Variants in SOX5 observed in about 807,000 individuals in gnomAD.
SOX5 encodes transcription factor SOX-5.
A neutral mutation model predicts 92.0 loss-of-function variants in SOX5; 9 were observed. The observed-to-expected ratio is 0.10, with a 90% CI of 0.06 to 0.17. The LOEUF (loss-of-function observed/expected upper bound fraction) is 0.17, where lower values mean the gene tolerates loss of function less well. Among genes scored for constraint, SOX5 ranks in the 10% least tolerant of loss-of-function variants. SOX5 has a pLI of 1.00. For missense variants in SOX5, 642 were observed against 944.5 expected (o/e 0.68, Z 4.20); for synonymous variants, 344 against 336.3 (o/e 1.02, Z -0.25).
chr12:23,699,138 C>A (rs2090284010), intron 6 of SOX5, among the ~76,000 whole-genome samples: 1 of 152,190 alleles, frequency 6.6e-6, no homozygotes, highest in East Asian at 1.9e-4. Context: ...GTCTGTCTCT[C>A]CCTCTGAAAA....
intron 4 of SOX5, among the ~76,000 whole-genome samples, chr12:24,068,702 G>GTA (rs1941223897): frequency 5.7e-5 from 3 of 53,028 alleles, no homozygotes; most frequent in Admixed American, 4.0e-4. Context: ...GTGTGTGTGT[G>GTA]TGTATATATA....
intron 1 of SOX5, among the ~76,000 whole-genome samples, chr12:24,374,650 AGGTG>A (rs1957071008): frequency 6.6e-6 from 1 of 152,226 alleles, no homozygotes. Context: ...CTCAAAGTCC[AGGTG>A]GGGCCAATTG....
In SOX5 at chr12:24,297,308, A is replaced by T. The variant is rs544040916; in HGVS notation, c.-173-19996T>A. On this transcript the variant is annotated intron_variant, in intron 2 of 4. Transcript: ENST00000446891. ...ATCACTGGTTCTTTCTGTTCAAAAC[A>T]ACCAGCGCTGAGCTTCATCTTCGAC... 3.3e-5 allele frequency among the ~76,000 whole-genome samples: 5 copies of T among 152,332 alleles called. No homozygotes were observed. In the South Asian group the frequency reaches 1.0e-3, roughly 32 times the overall value.
At chr12:24,006,989 CG>C (rs1429969891) in intron 4 of SOX5, among the ~76,000 whole-genome samples, 1 of 150,718 alleles carries the variant, frequency 6.6e-6, no homozygotes, top group Non-Finnish European at 1.5e-5. Context: ...AAAAATTGGC[CG>C]GGCATGATGA....
intron 2 of SOX5, among the ~76,000 whole-genome samples, chr12:24,305,294 C>T (rs59929328): frequency 1.3e-5 from 2 of 152,102 alleles, no homozygotes; most frequent in African/African-American, 2.4e-5. Flanking sequence ...TCCTTGAACA[C>T]GCCTAAGTGT....
At chr12:23,651,340 C>T (rs148139263) in intron 7 of SOX5, among the ~76,000 whole-genome samples, 202 of 151,860 alleles carry the variant, frequency 1.3e-3, no homozygotes, top group African/African-American at 4.3e-3. Context: ...CAGGATTATC[C>T]CACGGTTAAT....
At chr12:24,358,626 T>A (rs775002) in intron 2 of SOX5, among the ~76,000 whole-genome samples, 50,284 of 147,340 alleles carry the variant, frequency 0.34, 9,786 homozygotes, top group East Asian at 0.78. Context: ...AAAAAAAAAA[T>A]TGTCCTTTCA....
intron 1 of SOX5, among the ~76,000 whole-genome samples, chr12:24,397,306 A>C (rs567547823): frequency 1.1e-4 from 16 of 152,326 alleles, no homozygotes; most frequent in African/African-American, 3.4e-4. Flanking sequence ...GTTAAATGAA[A>C]GACTCGTGAC....
At chr12:23,868,378 G>T (rs903653450) in intron 2 of SOX5, among the ~76,000 whole-genome samples, 3 of 152,062 alleles carry the variant, frequency 2.0e-5, no homozygotes, top group Admixed American at 6.5e-5. Flanking sequence ...GTTCAGAAAA[G>T]AATATCAAGC....
chr12:23,677,965 T>C (rs573855824), intron 6 of SOX5, among the ~76,000 whole-genome samples: 20 of 152,276 alleles, frequency 1.3e-4, no homozygotes, highest in Admixed American at 9.8e-4. Flanking sequence ...TGAGTAATAA[T>C]GGATGCTGTC....
At chr12:24,074,876 TTTTG>T (rs1942331506) in intron 4 of SOX5, among the ~76,000 whole-genome samples, 1 of 134,170 alleles carries the variant, frequency 7.5e-6, no homozygotes, top group East Asian at 2.0e-4. Flanking sequence ...GATTACTTTC[TTTTG>T]TTTTTTTGTT....
chr12:24,236,589 T>C (rs1964556243), intron 3 of SOX5, among the ~76,000 whole-genome samples: 1 of 152,220 alleles, frequency 6.6e-6, no homozygotes, highest in Admixed American at 6.5e-5. Flanking sequence ...ACTATTTGGT[T>C]ACAGTTTCCT....
At chr12:23,577,174 C>CATATATATAT (rs1420125655) in intron 9 of SOX5, among the ~76,000 whole-genome samples, 26 of 93,896 alleles carry the variant, frequency 2.8e-4, no homozygotes, top group Admixed American at 6.2e-4. Flanking sequence ...CACACACACA[C>CATATATATAT]ACATATATAT....
At chr12:24,239,318 A>G (rs1406206537) in intron 3 of SOX5, among the ~76,000 whole-genome samples, 1 of 152,258 alleles carries the variant, frequency 6.6e-6, no homozygotes, top group African/African-American at 2.4e-5. Flanking sequence ...CAAACTCACT[A>G]AATTTCCTTA....
intron 4 of SOX5, among the ~76,000 whole-genome samples, chr12:24,077,695 C>G (rs73275443): frequency 7.4e-5 from 11 of 149,632 alleles, no homozygotes; most frequent in African/African-American, 2.5e-4. Context: ...AAAGTCCACA[C>G]GAGACTGAAA....
intron 6 of SOX5, among the ~76,000 whole-genome samples, chr12:23,716,773 A>C (rs978691695): frequency 6.6e-6 from 1 of 152,220 alleles, no homozygotes; most frequent in African/African-American, 2.4e-5. Context: ...GAAGAGGCTG[A>C]GAATCAATGA....
chr12:24,507,487 T>C (rs1948907870), intron 1 of SOX5, among the ~76,000 whole-genome samples: 1 of 151,724 alleles, frequency 6.6e-6, no homozygotes, highest in Non-Finnish European at 1.5e-5. Context: ...GTAAATGACA[T>C]TAATAAAAGA....
At chr12:24,170,034 C>CT (rs111668049) in intron 4 of SOX5, among the ~76,000 whole-genome samples, 25,891 of 151,908 alleles carry the variant, frequency 0.17, 2,814 homozygotes, top group African/African-American at 0.3. Context: ...AATTTTTTTT[C>CT]AGAGGAGAGT....
chr12:23,810,630 C>G (rs2095860280), intron 3 of SOX5, among the ~76,000 whole-genome samples: 1 of 152,150 alleles, frequency 6.6e-6, no homozygotes, highest in Non-Finnish European at 1.5e-5. Context: ...CCTAGAAGGA[C>G]AGAGGGGCTT....
Sources: allele counts gnomAD v4.1 joint callset (sites outside exome capture counted in the v4.1 genomes callset), GRCh38; gene constraint gnomAD v4.1.1; transcripts MANE v1.5; gene names NCBI Gene and HGNC (gene_info 2026-07-23, HGNC 2026-07-21).